The following SLC44A1 variants were observed in gnomAD, a reference collection of about 807,000 sequenced individuals.
The protein encoded by SLC44A1 is solute carrier family 44 member 1, also known as choline transporter-like protein 1.
Under a neutral mutation model 79.3 loss-of-function variants are expected in SLC44A1, and 26 were observed. The ratio of observed to expected loss-of-function variants is 0.33; its 90% CI spans 0.24 to 0.46. The LOEUF is 0.46. Among genes scored for constraint, SLC44A1 ranks in the 20% least tolerant of loss-of-function variants. SLC44A1 has a pLI of 1.00. For synonymous variants in SLC44A1, 263 were observed against 286.2 expected (o/e 0.92, Z 0.82); for missense variants, 688 against 798.1 (o/e 0.86, Z 1.66).
chr9:105,250,612 G>C (rs80180890), intron 1 of SLC44A1, among the ~76,000 whole-genome samples: 4,726 of 152,296 alleles, frequency 0.031, 111 homozygotes, highest in Non-Finnish European at 0.04. Flanking sequence ...AGAATGTAGA[G>C]ATATGAAGTA....
chr9:105,389,134 T>G lies in SLC44A1; in HGVS notation c.*78T>G. The G allele has an allele frequency of 6.3e-7, 1 of 1,582,208 alleles. No individual in the cohort carries two copies. The highest frequency in any genetic ancestry group is 2.2e-5 in the East Asian group (1 of 44,494). ...ATAACTATGTATTTGTGTGTGTGGG[T>G]GTGTGTATATATGTATATGTATGTG... On this transcript the variant is annotated 3_prime_UTR_variant, in exon 16 of 16. Transcript: ENST00000374720.
chr9:105,251,300 C>T (rs931035595), intron 1 of SLC44A1, among the ~76,000 whole-genome samples: 1 of 152,048 alleles, frequency 6.6e-6, no homozygotes, highest in African/African-American at 2.4e-5. Flanking sequence ...GGGAACCTGC[C>T]TCTCACTCTT....
At chr9:105,306,464 C>T (rs1831033915) in intron 2 of SLC44A1, among the ~76,000 whole-genome samples, 1 of 152,156 alleles carries the variant, frequency 6.6e-6, no homozygotes, top group South Asian at 2.1e-4. Context: ...TGGCCTACTT[C>T]CCCATTGTCA....
chr9:105,247,594 A>G (rs1271269876), intron 1 of SLC44A1, among the ~76,000 whole-genome samples: 5 of 152,088 alleles, frequency 3.3e-5, no homozygotes, highest in Non-Finnish European at 7.4e-5. Flanking sequence ...ACCGCTCCCT[A>G]TCAGGGGTCT....
rs202015758 is a variant in SLC44A1 at position 105,334,239 on chromosome 9, A to AT, written c.270-1309dup. 1.9e-3 allele frequency among the ~76,000 whole-genome samples: 249 copies of AT among 128,320 alleles called. 1 individual carries two copies. The highest frequency in any genetic ancestry group is 4.0e-3 in the Middle Eastern group (1 of 250). 84.2% of individuals were successfully genotyped at this position (128,320 alleles called of 152,430 possible). ...GAGTCACTGATAGGGTCACACACAC[A>AT]TTTTTTTTTTTTTTTCGTTTGGTAA... On this transcript the variant is annotated intron_variant, in intron 3 of 15. Transcript: ENST00000374720.
Position 105,271,785 on chromosome 9 carries a change from T to A in SLC44A1, c.36+26881T>A, listed in dbSNP as rs571397943. ...CCTGCCATCACGCCTGGCTAATTTT[T>A]GTAGTTTTAGTAGAGACGGGGTTTC... On this transcript the variant is annotated intron_variant, in intron 1 of 15. Coordinates refer to ENST00000374720, the MANE Select transcript of SLC44A1 (RefSeq NM_080546.5). 1.1e-4 allele frequency among the ~76,000 whole-genome samples: 17 copies of A among 152,212 alleles called. No homozygotes were observed. The South Asian group carries it at 3.3e-3, about 30-fold the overall frequency.
At chr9:105,246,814 T>G (rs1490530057) in intron 1 of SLC44A1, among the ~76,000 whole-genome samples, 1 of 152,242 alleles carries the variant, frequency 6.6e-6, no homozygotes, top group Non-Finnish European at 1.5e-5. Context: ...ATCAGAACTC[T>G]GCTTTAAAAC....
At chr9:105,267,519 C>A (rs1392910342) in intron 1 of SLC44A1, among the ~76,000 whole-genome samples, 1 of 152,116 alleles carries the variant, frequency 6.6e-6, no homozygotes, top group Non-Finnish European at 1.5e-5. Context: ...CTCCACAATG[C>A]AATAGATTTC....
At chr9:105,385,946 A>G (rs1828615823) in intron 15 of SLC44A1, 2 of 985,210 alleles carry the variant, frequency 2.0e-6, no homozygotes, top group South Asian at 4.7e-5. Context: ...TTTTAAAAGT[A>G]TGGTTCTGCT....
chr9:105,407,812 G>A (rs1829047387), intron 15 of SLC44A1, among the ~76,000 whole-genome samples: 1 of 152,190 alleles, frequency 6.6e-6, no homozygotes. Context: ...GGAGATTACA[G>A]TGAGCTGAGA....
intron 15 of SLC44A1, among the ~76,000 whole-genome samples, chr9:105,435,313 T>C (rs145834655): frequency 6.6e-6 from 1 of 152,122 alleles, no homozygotes; most frequent in Admixed American, 6.5e-5. Flanking sequence ...ACAGGCTAAG[T>C]GTGAGCAGCA....
chr9:105,395,302 T>C lies in SLC44A1; in HGVS notation c.*6246T>C. 1.8e-6 allele frequency: 1 copy of C among 553,348 alleles called. No individual in the cohort carries two copies. Among genetic ancestry groups the C allele is most frequent in the Non-Finnish European group, 2.3e-6 (1 of 435,740 alleles). 34.3% of individuals were successfully genotyped at this position (553,348 alleles called of 1,614,324 possible). On this transcript the variant is annotated 3_prime_UTR_variant, in exon 16 of 16. Coordinates refer to ENST00000374720, the MANE Select transcript of SLC44A1 (RefSeq NM_080546.5). ...GGCTCAATCTTAGCTCACTGCAACC[T>C]CCACCTCCCAGGTTCAAGTGATTCT...
rs189216174 is a variant in SLC44A1, at chr9:105,334,830, A to G, written c.270-733A>G. Among the ~76,000 whole-genome samples the G allele has an allele frequency of 4.5e-3, 691 of 152,324 alleles. 3 individuals carry two copies. The highest frequency in any genetic ancestry group is 8.3e-3 in the Non-Finnish European group (567 of 68,016). ...CAAGTATACAGGATGTAAAGGGTAT[A>G]ATTTCAGATTTGGGGATTATTTTAT... On this transcript the variant is annotated intron_variant, in intron 3 of 15. Transcript: ENST00000374720.
intron 1 of SLC44A1, among the ~76,000 whole-genome samples, chr9:105,284,405 G>A (rs1227638281): frequency 6.6e-6 from 1 of 152,044 alleles, no homozygotes; most frequent in Non-Finnish European, 1.5e-5. Flanking sequence ...TTATACTGCA[G>A]TCTGGTTTTG....
intron 1 of SLC44A1, among the ~76,000 whole-genome samples, chr9:105,284,352 A>G (rs561040021): frequency 4.1e-4 from 62 of 151,762 alleles, no homozygotes; most frequent in African/African-American, 1.4e-3. Flanking sequence ...GGCATGAGCC[A>G]CTGCACCCGG....
chr9:105,397,894 G>A (rs1056279022), downstream of SLC44A1, among the ~76,000 whole-genome samples: 2 of 152,016 alleles, frequency 1.3e-5, no homozygotes, highest in Non-Finnish European at 2.9e-5. Context: ...CTTGCAGTGA[G>A]CCAAGATCGC....
chr9:105,278,186 T>G (rs1367811066), intron 1 of SLC44A1, among the ~76,000 whole-genome samples: 1 of 151,322 alleles, frequency 6.6e-6, no homozygotes, highest in Non-Finnish European at 1.5e-5. Context: ...CTCAGCCTCC[T>G]GAGTAGGTGG....
At chr9:105,378,236 G>A (rs531168964) in intron 13 of SLC44A1, among the ~76,000 whole-genome samples, 68 of 152,282 alleles carry the variant, frequency 4.5e-4, no homozygotes, top group South Asian at 2.1e-3. Flanking sequence ...ACGACAAAGC[G>A]GGACTCTGTC....
At position 105,383,367 on chromosome 9, in the gene SLC44A1, C is replaced by G; in HGVS notation, c.1869+8C>G. On this transcript the variant is annotated splice_region_variant and intron_variant, in intron 14 of 15. Coordinates refer to ENST00000374720, the MANE Select transcript of SLC44A1 (RefSeq NM_080546.5). Reference sequence around the variant, plus strand: ...ATGGATAAAGTGCTGATGGTAAGTACTTCAAATGCCGTTTCCTATTTTAGG... The same window carrying G: ...ATGGATAAAGTGCTGATGGTAAGTAGTTCAAATGCCGTTTCCTATTTTAGG... 1 of 1,440,766 alleles carries G rather than the reference C, an allele frequency of 6.9e-7. No homozygotes were observed. The highest frequency in any genetic ancestry group is 9.8e-7 in the Non-Finnish European group (1 of 1,022,938). 89.2% of individuals were successfully genotyped at this position (1,440,766 alleles called of 1,614,324 possible).
Sources: allele counts gnomAD v4.1 joint callset (sites outside exome capture counted in the v4.1 genomes callset), GRCh38; gene constraint gnomAD v4.1.1; transcripts MANE v1.5; gene names NCBI Gene and HGNC (gene_info 2026-07-23, HGNC 2026-07-21).